The following NPAS3 variants were observed in gnomAD, a reference collection of about 807,000 sequenced individuals.
NPAS3 encodes neuronal PAS domain protein 3, also known as neuronal PAS domain-containing protein 3.
In NPAS3, 14 loss-of-function variants were observed where a neutral mutation model predicts 73.1. The ratio of observed to expected loss-of-function variants is 0.19; its 90% CI spans 0.13 to 0.30. The LOEUF is 0.30. NPAS3 is among the 10% of genes least tolerant of loss of function. The probability of loss-of-function intolerance (pLI) is 1.00; values close to 1 mark genes in which losing one functional copy is unlikely to be tolerated. For synonymous variants in NPAS3, 620 were observed against 541.5 expected (o/e 1.14, Z -2.01); for missense variants, 1,096 against 1,250.0 (o/e 0.88, Z 1.86).
chr14:33,119,215 G>T (rs1303031475), intron 2 of NPAS3, among the ~76,000 whole-genome samples: 1 of 151,938 alleles, frequency 6.6e-6, no homozygotes, highest in Non-Finnish European at 1.5e-5. Flanking sequence ...TTTTAGGTTA[G>T]GACAAAATTT....
intron 5 of NPAS3, among the ~76,000 whole-genome samples, chr14:33,669,220 C>T (rs991780632): frequency 3.3e-5 from 5 of 152,142 alleles, no homozygotes; most frequent in Non-Finnish European, 4.4e-5. Flanking sequence ...TTCTTGGCAT[C>T]GTTTCACTTT....
At chr14:33,535,176 TA>T (rs1478757663) in intron 4 of NPAS3, among the ~76,000 whole-genome samples, 1 of 152,178 alleles carries the variant, frequency 6.6e-6, no homozygotes. Flanking sequence ...TATACTGTCA[TA>T]AAAAATATCA....
chr14:33,043,543 T>C (rs2040411147), intron 1 of NPAS3, among the ~76,000 whole-genome samples: 1 of 152,136 alleles, frequency 6.6e-6, no homozygotes, highest in African/African-American at 2.4e-5. Flanking sequence ...AAGCAGATTC[T>C]CCAGAGCATT....
chr14:33,010,985 C>T (rs1175296952), intron 1 of NPAS3, among the ~76,000 whole-genome samples: 2 of 150,460 alleles, frequency 1.3e-5, no homozygotes, highest in African/African-American at 2.4e-5. Flanking sequence ...TAAATGTGAG[C>T]TCTAAATACA....
intron 7 of NPAS3, among the ~76,000 whole-genome samples, chr14:33,748,090 A>G (rs1288478216): frequency 2.0e-5 from 3 of 152,346 alleles, no homozygotes; most frequent in East Asian, 3.9e-4. Context: ...GAAATTCAAT[A>G]TAAACATTTG....
At chr14:33,451,560 A>G (rs1261394985) in intron 4 of NPAS3, among the ~76,000 whole-genome samples, 2 of 152,260 alleles carry the variant, frequency 1.3e-5, no homozygotes, top group Non-Finnish European at 2.9e-5. Context: ...GAAATAAGCT[A>G]TGATAGACAC....
At chr14:33,301,813 C>G (rs17100603) in intron 3 of NPAS3, among the ~76,000 whole-genome samples, 11,103 of 152,188 alleles carry the variant, frequency 0.073, 1,055 homozygotes, top group African/African-American at 0.22. Context: ...ACATCAGTAG[C>G]CATGTTCATT....
chr14:33,154,101 C>T lies in NPAS3; in HGVS notation c.141-61081C>T, dbSNP rs531403633. 8.6e-5 allele frequency among the ~76,000 whole-genome samples: 13 copies of T among 151,914 alleles called. No individual in the cohort carries two copies. In the East Asian group the frequency reaches 2.3e-3, roughly 27 times the overall value. Reference sequence around the variant, plus strand: ...ATGGAAAAATATAGGTAGAATTGGCCTTCTCTCTCCTCTTTTTTGCTGCTA... The same window carrying T: ...ATGGAAAAATATAGGTAGAATTGGCTTTCTCTCTCCTCTTTTTTGCTGCTA... On this transcript the variant is annotated intron_variant, in intron 2 of 11. Coordinates refer to ENST00000356141, the Ensembl canonical transcript of NPAS3.
At chr14:33,436,999 G>C (rs1298938093) in intron 4 of NPAS3, among the ~76,000 whole-genome samples, 1 of 152,128 alleles carries the variant, frequency 6.6e-6, no homozygotes, top group Non-Finnish European at 1.5e-5. Context: ...TTACTTTTGG[G>C]CTTTTGAAAA....
chr14:32,977,356 G>GCACGCGCACACACACACA (rs71432100), intron 1 of NPAS3, among the ~76,000 whole-genome samples: 10 of 141,448 alleles, frequency 7.1e-5, no homozygotes, highest in South Asian at 4.6e-4. Context: ...TCTCTGACAC[G>GCACGCGCACACACACACA]CACACACACA....
chr14:33,294,983 T>G (rs1236421238), intron 3 of NPAS3, among the ~76,000 whole-genome samples: 1 of 152,160 alleles, frequency 6.6e-6, no homozygotes, highest in Non-Finnish European at 1.5e-5. Context: ...CAGTGAAATT[T>G]GAACTCTTGG....
chr14:33,466,645 C>T (rs989535688), intron 4 of NPAS3, among the ~76,000 whole-genome samples: 47 of 152,292 alleles, frequency 3.1e-4, no homozygotes, highest in African/African-American at 1.0e-3. Flanking sequence ...GTAGCTTCTG[C>T]TCCTGGGGAG....
chr14:33,335,596 AG>A (rs1427349385), intron 3 of NPAS3, among the ~76,000 whole-genome samples: 1 of 152,176 alleles, frequency 6.6e-6, no homozygotes, highest in Non-Finnish European at 1.5e-5. Flanking sequence ...TCCCCTGGTC[AG>A]GGTTGGAAGT....
chr14:32,961,846 C>G (rs905786042), intron 1 of NPAS3, among the ~76,000 whole-genome samples: 1 of 152,032 alleles, frequency 6.6e-6, no homozygotes, highest in Non-Finnish European at 1.5e-5. Flanking sequence ...TTTTAGGAAG[C>G]TAAATTTTAG....
chr14:33,387,700 A>G (rs1389738286), intron 4 of NPAS3, among the ~76,000 whole-genome samples: 1 of 152,102 alleles, frequency 6.6e-6, no homozygotes, highest in Non-Finnish European at 1.5e-5. Context: ...AAAAGATTGG[A>G]GTGGTGGTAG....
At chr14:33,439,716 C>T (rs2049151250) in intron 4 of NPAS3, among the ~76,000 whole-genome samples, 1 of 152,188 alleles carries the variant, frequency 6.6e-6, no homozygotes. Context: ...AGTAACTCGT[C>T]AGTGCTAATG....
chr14:33,324,016 G>C (rs2140247008), intron 3 of NPAS3, among the ~76,000 whole-genome samples: 1 of 152,290 alleles, frequency 6.6e-6, no homozygotes, highest in Middle Eastern at 3.4e-3. Flanking sequence ...TGAGTATTGT[G>C]CCTTGTCAAG....
rs77558144 is a variant in NPAS3 at position 33,474,812 on chromosome 14, A to G, written c.469-85309A>G. On this transcript the variant is annotated intron_variant, in intron 4 of 11. Coordinates refer to ENST00000356141, the Ensembl canonical transcript of NPAS3. ...AACTGTGATGAATTGTGGTGTCAAT[A>G]ATAAAATAAAAATAAATAACTTTAC... is the stretch of plus-strand genomic sequence containing the variant. 4.8e-3 allele frequency among the ~76,000 whole-genome samples: 726 copies of G among 152,306 alleles called. 4 individuals are homozygous for G. The highest frequency in any genetic ancestry group is 0.016 in the African/African-American group (683 of 41,566).
At chr14:33,229,548 C>A (rs922233844) in intron 3 of NPAS3, among the ~76,000 whole-genome samples, 17 of 152,196 alleles carry the variant, frequency 1.1e-4, no homozygotes, top group Non-Finnish European at 2.5e-4. Context: ...CTAGACGGTG[C>A]GAAAGAGCAT....
Sources: gnomAD v4.1 joint callset for allele counts (sites outside exome capture counted in the v4.1 genomes callset) on GRCh38, gnomAD v4.1.1 for gene constraint, MANE v1.5 for transcripts, NCBI Gene and HGNC (gene_info 2026-07-23, HGNC 2026-07-21) for gene names.